ASTN2: variants seen among roughly 807,000 people sequenced by gnomAD.
The protein encoded by ASTN2 is astrotactin 2.
In ASTN2, 54 loss-of-function variants were observed where a neutral mutation model predicts 139.8. The observed-to-expected ratio is 0.39, with a 90% CI of 0.31 to 0.48. The LOEUF (loss-of-function observed/expected upper bound fraction) is 0.48, where lower values mean the gene tolerates loss of function less well. Ranked by LOEUF, ASTN2 falls within the 20% of genes least tolerant of loss-of-function variation. The probability of loss-of-function intolerance (pLI) is 0.95; values close to 1 mark genes in which losing one functional copy is unlikely to be tolerated. For synonymous variants in ASTN2, 756 were observed against 719.5 expected, an observed-to-expected ratio of 1.05 and a Z score of -0.81; for missense variants, 1,565 against 1,725.1, an observed-to-expected ratio of 0.91 and a Z score of 1.64.
chr9:117,290,356 C>T (rs1834556654), intron 2 of ASTN2, among the ~76,000 whole-genome samples: 6 of 152,276 alleles, frequency 3.9e-5, no homozygotes, highest in Admixed American at 2.6e-4. Flanking sequence ...TTTCTATCTA[C>T]CATGCAATGC....
intron 11 of ASTN2, among the ~76,000 whole-genome samples, chr9:116,829,335 A>G (rs1831735499): frequency 6.6e-6 from 1 of 151,096 alleles, no homozygotes; most frequent in Admixed American, 6.6e-5. Flanking sequence ...TAGAATGGAG[A>G]ACCCAGAAAT....
intron 10 of ASTN2, among the ~76,000 whole-genome samples, chr9:116,973,713 T>C (rs1383590783): frequency 6.6e-6 from 1 of 152,252 alleles, no homozygotes; most frequent in South Asian, 2.1e-4. Flanking sequence ...AAATCTCGTA[T>C]ACTTCAATTC....
intron 3 of ASTN2, among the ~76,000 whole-genome samples, chr9:117,170,067 G>T (rs1351643697): frequency 6.6e-6 from 1 of 152,136 alleles, no homozygotes; most frequent in East Asian, 1.9e-4. Context: ...ACCTCTTGGG[G>T]AAGGTCATTG....
At chr9:117,068,618 G>T (rs1828019960) in intron 5 of ASTN2, among the ~76,000 whole-genome samples, 1 of 103,780 alleles carries the variant, frequency 9.6e-6, no homozygotes, top group African/African-American at 4.0e-5. Context: ...GTAGAATTCG[G>T]CTGTGAATCC....
At chr9:117,008,021 G>C in intron 7 of ASTN2, 71 bp downstream of exon 7, 2 of 1,440,014 alleles carry the variant, frequency 1.4e-6, no homozygotes, top group East Asian at 5.1e-5. Flanking sequence ...TCTTTAGGTA[G>C]AGGGAGCACA....
chr9:117,305,371 AAGATGTCT>A (rs1834973831), intron 1 of ASTN2, among the ~76,000 whole-genome samples: 1 of 152,174 alleles, frequency 6.6e-6, no homozygotes, highest in Non-Finnish European at 1.5e-5. Flanking sequence ...AACCTGGTGG[AAGATGTCT>A]AGAAAACTGA....
At chr9:116,961,223 C>T (rs898651711) in intron 10 of ASTN2, among the ~76,000 whole-genome samples, 8 of 140,404 alleles carry the variant, frequency 5.7e-5, no homozygotes, top group South Asian at 2.3e-4. Flanking sequence ...ATACACACAA[C>T]ATAAAATTTA....
intron 19 of ASTN2, among the ~76,000 whole-genome samples, chr9:116,518,696 A>G (rs1302597563): frequency 1.3e-5 from 2 of 152,182 alleles, no homozygotes; most frequent in East Asian, 3.8e-4. Flanking sequence ...TGAGTGGCCT[A>G]AAGGCTCCAC....
At chr9:117,203,128 G>C (rs915776481) in intron 3 of ASTN2, among the ~76,000 whole-genome samples, 12 of 151,710 alleles carry the variant, frequency 7.9e-5, no homozygotes, top group African/African-American at 2.2e-4. Context: ...GGTTGATTTG[G>C]CTGTTGATAC....
intron 7 of ASTN2, among the ~76,000 whole-genome samples, chr9:116,989,214 T>C (rs1421114076): frequency 6.6e-6 from 1 of 152,188 alleles, no homozygotes; most frequent in Non-Finnish European, 1.5e-5. Flanking sequence ...AAAATACTAA[T>C]GATTTTCCAG....
chr9:117,040,609 C>A (rs555866811), intron 5 of ASTN2, among the ~76,000 whole-genome samples: 1 of 152,272 alleles, frequency 6.6e-6, no homozygotes, highest in Non-Finnish European at 1.5e-5. Flanking sequence ...CAGGCACCCA[C>A]CACCAAGCCC....
chr9:116,519,733 GATC>G (rs1850791217), intron 19 of ASTN2, among the ~76,000 whole-genome samples: 1 of 151,956 alleles, frequency 6.6e-6, no homozygotes, highest in South Asian at 2.1e-4. Context: ...TCTTTGAAAA[GATC>G]AATAAAATTG....
chr9:116,682,263 A>C (rs1249701048), intron 16 of ASTN2, among the ~76,000 whole-genome samples: 1 of 152,226 alleles, frequency 6.6e-6, no homozygotes. Flanking sequence ...CAGCCAAAAA[A>C]CACATGAAAA....
At chr9:116,533,433 T>C (rs1196796486) in intron 19 of ASTN2, among the ~76,000 whole-genome samples, 3 of 152,214 alleles carry the variant, frequency 2.0e-5, no homozygotes, top group Non-Finnish European at 2.9e-5. Flanking sequence ...ATCCCTGTCT[T>C]GTGCCAGTTT....
At chr9:117,171,240 A>T (rs1274199746) in intron 3 of ASTN2, among the ~76,000 whole-genome samples, 1 of 152,174 alleles carries the variant, frequency 6.6e-6, no homozygotes. Context: ...TAACTGAAAC[A>T]TTTGCAGGTA....
intron 19 of ASTN2, 74 bp downstream of exon 19, chr9:116,618,250 C>T (rs1855950404): frequency 6.7e-7 from 1 of 1,501,024 alleles, no homozygotes; most frequent in Non-Finnish European, 9.0e-7. Flanking sequence ...GACCAAGTCT[C>T]CAAAGACAGT....
chr9:117,087,522 CT>C (rs1485856256), intron 5 of ASTN2, among the ~76,000 whole-genome samples: 5 of 152,164 alleles, frequency 3.3e-5, no homozygotes, highest in African/African-American at 1.2e-4. Flanking sequence ...GCCACTGCGC[CT>C]GGTCACTATT....
chr9:117,404,741 C>T (rs1830932450), intron 1 of ASTN2, among the ~76,000 whole-genome samples: 4 of 151,974 alleles, frequency 2.6e-5, no homozygotes, highest in Admixed American at 2.6e-4. Flanking sequence ...CAAAAAAGGA[C>T]ATAGAGCTTA....
chr9:117,162,713 G>C (rs1480322626), intron 3 of ASTN2, among the ~76,000 whole-genome samples: 1 of 152,088 alleles, frequency 6.6e-6, no homozygotes, highest in Non-Finnish European at 1.5e-5. Context: ...AGGATTAAAT[G>C]AGTAAATATA....
Sources: gnomAD v4.1 joint callset for allele counts (sites outside exome capture counted in the v4.1 genomes callset) on GRCh38, gnomAD v4.1.1 for gene constraint, MANE v1.5 for transcripts, NCBI Gene and HGNC (gene_info 2026-07-23, HGNC 2026-07-21) for gene names.